PDE4B: variants seen among roughly 807,000 people sequenced by gnomAD.
PDE4B encodes the protein phosphodiesterase 4B, also known as 3',5'-cyclic-AMP phosphodiesterase 4B.
In PDE4B, 20 loss-of-function variants were observed where a neutral mutation model predicts 82.2. The observed-to-expected ratio is 0.24, with a 90% CI of 0.17 to 0.35. PDE4B has a LOEUF of 0.35. Among genes scored for constraint, PDE4B ranks in the 10% least tolerant of loss-of-function variants. The pLI is 1.00. For synonymous variants in PDE4B, 320 were observed against 318.9 expected (o/e 1.00, Z -0.04); for missense variants, 655 against 907.2 (o/e 0.72, Z 3.57).
intron 3 of PDE4B, among the ~76,000 whole-genome samples, chr1:66,178,664 A>G (rs1044122621): frequency 2.0e-5 from 3 of 152,226 alleles, no homozygotes; most frequent in Non-Finnish European, 4.4e-5. Flanking sequence ...GTGCAAGTCA[A>G]CAAATTTTTA....
chr1:66,044,128 G>A (rs1017387425), intron 3 of PDE4B, among the ~76,000 whole-genome samples: 3 of 151,660 alleles, frequency 2.0e-5, no homozygotes, highest in Admixed American at 6.6e-5. Flanking sequence ...TGCTTCTGAA[G>A]AAACTGACAG....
intron 1 of PDE4B, among the ~76,000 whole-genome samples, chr1:65,816,898 C>T (rs1169763740): frequency 1.3e-5 from 2 of 152,114 alleles, no homozygotes; most frequent in African/African-American, 2.4e-5. Context: ...AAAGCCAACA[C>T]AAATACATTC....
chr1:66,083,602 T>C (rs1465458061), intron 3 of PDE4B, among the ~76,000 whole-genome samples: 1 of 152,148 alleles, frequency 6.6e-6, no homozygotes, highest in African/African-American at 2.4e-5. Context: ...GTCTGTTTCA[T>C]CTCAAATTCC....
intron 3 of PDE4B, among the ~76,000 whole-genome samples, chr1:65,995,955 G>C (rs1451085943): frequency 6.6e-6 from 1 of 152,154 alleles, no homozygotes; most frequent in Non-Finnish European, 1.5e-5. Flanking sequence ...TCATATTTCA[G>C]TCAGATGGAT....
At chr1:66,118,765 G>C (rs1645649120) in intron 3 of PDE4B, among the ~76,000 whole-genome samples, 3 of 151,838 alleles carry the variant, frequency 2.0e-5, no homozygotes, top group Admixed American at 2.0e-4. Flanking sequence ...TCTTAGAGTT[G>C]ATAGCATTTA....
intron 1 of PDE4B, among the ~76,000 whole-genome samples, chr1:65,886,273 A>T (rs1489171192): frequency 2.0e-5 from 3 of 152,106 alleles, no homozygotes; most frequent in East Asian, 1.9e-4. Flanking sequence ...ATTTGTATGT[A>T]TTTATGGGGT....
intron 3 of PDE4B, among the ~76,000 whole-genome samples, chr1:65,983,292 A>T (rs1557476006): frequency 6.6e-6 from 1 of 152,154 alleles, no homozygotes; most frequent in Admixed American, 6.5e-5. Context: ...ATGAGATTTG[A>T]GGCTCAGAGT....
intron 3 of PDE4B, among the ~76,000 whole-genome samples, chr1:66,134,902 G>A (rs1194682141): frequency 6.6e-6 from 1 of 152,226 alleles, no homozygotes; most frequent in East Asian, 1.9e-4. Flanking sequence ...AAAACAGAAA[G>A]ATACAGCGTG....
chr1:65,982,979 A>G (rs576615337), intron 3 of PDE4B, among the ~76,000 whole-genome samples: 2 of 152,308 alleles, frequency 1.3e-5, no homozygotes, highest in African/African-American at 4.8e-5. Context: ...AGGTCTGGCC[A>G]CTAATGCTCA....
chr1:66,022,391 T>C (rs1050680894), intron 3 of PDE4B, among the ~76,000 whole-genome samples: 17 of 152,168 alleles, frequency 1.1e-4, no homozygotes, highest in Non-Finnish European at 2.2e-4. Context: ...TGCCAGTTTT[T>C]AAAGGGAATG....
intron 1 of PDE4B, among the ~76,000 whole-genome samples, chr1:65,894,697 T>C (rs1231035481): frequency 2.0e-5 from 3 of 151,984 alleles, no homozygotes; most frequent in Admixed American, 2.0e-4. Flanking sequence ...CAAATAAAAT[T>C]ATGGGGGAAA....
At chr1:66,189,209 A>C (rs950367036) in intron 3 of PDE4B, among the ~76,000 whole-genome samples, 4 of 152,068 alleles carry the variant, frequency 2.6e-5, no homozygotes, top group African/African-American at 9.7e-5. Context: ...ATCAGCTGTT[A>C]GTCTGATGGT....
chr1:66,160,921 T>C (rs1039680470), intron 3 of PDE4B, among the ~76,000 whole-genome samples: 2 of 152,230 alleles, frequency 1.3e-5, no homozygotes, highest in Non-Finnish European at 2.9e-5. Context: ...GCAATAACTC[T>C]AGAGTGGCAC....
intron 1 of PDE4B, among the ~76,000 whole-genome samples, chr1:65,866,969 G>A (rs184910829): frequency 2.5e-3 from 378 of 152,276 alleles, no homozygotes; most frequent in Non-Finnish European, 4.2e-3. Flanking sequence ...TGTGATAATG[G>A]TATTGTGGTG....
rs568135852 is a variant in PDE4B at position 66,114,705 on chromosome 1, G to A, written c.282-132755G>A. On this transcript the variant is annotated intron_variant, in intron 3 of 16. Transcript: ENST00000341517. ...GGCTGGAGTGCAATGGCACAATCTCGGCTCACTGCAACCTCTGCTTCCTGG... is the reference window on the plus strand; with the variant it reads ...GGCTGGAGTGCAATGGCACAATCTCAGCTCACTGCAACCTCTGCTTCCTGG... Among the ~76,000 whole-genome samples the A allele has an allele frequency of 2.2e-4, 33 of 146,980 alleles. 1 individual carries two copies. Among genetic ancestry groups the A allele is most frequent in the African/African-American group, 7.4e-4 (29 of 39,412 alleles).
At chr1:66,096,147 T>A (rs539738102) in intron 3 of PDE4B, among the ~76,000 whole-genome samples, 35 of 151,816 alleles carry the variant, frequency 2.3e-4, no homozygotes, top group African/African-American at 8.0e-4. Context: ...TTGTATCCTT[T>A]AAAAAATCTG....
intron 7 of PDE4B, among the ~76,000 whole-genome samples, chr1:66,323,458 C>A (rs7522367): frequency 0.1 from 15,633 of 152,112 alleles, 1,195 homozygotes; most frequent in African/African-American, 0.21. Context: ...TTTTTCTATT[C>A]CTCTTAGGAT....
At chr1:66,339,097 A>G (rs188726273) in intron 8 of PDE4B, among the ~76,000 whole-genome samples, 100 of 152,162 alleles carry the variant, frequency 6.6e-4, no homozygotes, top group African/African-American at 2.2e-3. Flanking sequence ...GGGCAATTTC[A>G]TTATATGCCA....
chr1:66,179,819 A>C (rs2101393214), intron 3 of PDE4B, among the ~76,000 whole-genome samples: 1 of 152,296 alleles, frequency 6.6e-6, no homozygotes, highest in African/African-American at 2.4e-5. Flanking sequence ...ATTTTAAATA[A>C]GTCTAAGTGT....
Sources: allele counts gnomAD v4.1 joint callset (sites outside exome capture counted in the v4.1 genomes callset), GRCh38; gene constraint gnomAD v4.1.1; transcripts MANE v1.5; gene names NCBI Gene and HGNC (gene_info 2026-07-23, HGNC 2026-07-21).